Variants in EPC2 observed in about 807,000 individuals in gnomAD.
EPC2 encodes enhancer of polycomb 2.
In EPC2, 14 loss-of-function variants were observed where a neutral mutation model predicts 92.1. That is an observed-to-expected ratio of 0.15 (90% CI 0.10 to 0.24). EPC2 has a LOEUF of 0.24. Ranked by LOEUF, EPC2 falls within the 10% of genes least tolerant of loss-of-function variation. The pLI is 1.00. For synonymous variants in EPC2, 340 were observed against 334.7 expected, an observed-to-expected ratio of 1.02 and a Z score of -0.17; for missense variants, 755 against 971.5, an observed-to-expected ratio of 0.78 and a Z score of 2.96.
chr2:148,706,706 G>T (rs886622944), intron 2 of EPC2, among the ~76,000 whole-genome samples: 2 of 152,198 alleles, frequency 1.3e-5, no homozygotes, highest in Non-Finnish European at 1.5e-5. Flanking sequence ...CATTCTTAAA[G>T]AACAGAATTT....
chr2:148,785,715 T>C (rs547964510), intron 13 of EPC2, among the ~76,000 whole-genome samples: 2 of 152,360 alleles, frequency 1.3e-5, no homozygotes, highest in South Asian at 4.1e-4. Context: ...ATTTGTGTTT[T>C]CTTTAGCGTC....
chr2:148,685,265 A>G (rs1406431125), intron 1 of EPC2, among the ~76,000 whole-genome samples: 1 of 149,414 alleles, frequency 6.7e-6, no homozygotes, highest in African/African-American at 2.5e-5. Context: ...TTTTTTCTTT[A>G]TTGTTCGTAC....
chr2:148,741,903 C>G (rs1217880523), intron 2 of EPC2, among the ~76,000 whole-genome samples: 1 of 152,140 alleles, frequency 6.6e-6, no homozygotes, highest in Non-Finnish European at 1.5e-5. Flanking sequence ...AGTATTCTTT[C>G]AAAAATATCC....
At chr2:148,730,094 C>T (rs1240089300) in intron 2 of EPC2, among the ~76,000 whole-genome samples, 2 of 152,122 alleles carry the variant, frequency 1.3e-5, no homozygotes, top group Admixed American at 6.5e-5. Flanking sequence ...AACTTTTCTG[C>T]ACTTCATTTT....
intron 1 of EPC2, among the ~76,000 whole-genome samples, chr2:148,688,584 G>T (rs1681577580): frequency 6.6e-6 from 1 of 152,022 alleles, no homozygotes; most frequent in African/African-American, 2.4e-5. Context: ...TTTAAAAAAA[G>T]AATTTTGGCT....
intron 3 of EPC2, among the ~76,000 whole-genome samples, chr2:148,744,872 T>C (rs1349483393): frequency 6.6e-6 from 1 of 151,078 alleles, no homozygotes; most frequent in Non-Finnish European, 1.5e-5. Flanking sequence ...AGTTTACCCA[T>C]ACAAATTTAT....
chr2:148,645,280 C>A, intron 1 of EPC2, 110 bp downstream of exon 1: 3 of 986,008 alleles, frequency 3.0e-6, no homozygotes, highest in Non-Finnish European at 3.0e-6. Context: ...GCGCCGCTGC[C>A]GCTCTAACGC....
chr2:148,666,373 A>C (rs1008671677), intron 1 of EPC2, among the ~76,000 whole-genome samples: 1 of 152,118 alleles, frequency 6.6e-6, no homozygotes, highest in Non-Finnish European at 1.5e-5. Context: ...TGAACTCTGG[A>C]GTTCAAGTTA....
intron 5 of EPC2, 21 bp downstream of exon 5, chr2:148,761,951 A>G: frequency 6.5e-7 from 1 of 1,548,432 alleles, no homozygotes; most frequent in Non-Finnish European, 8.6e-7. Context: ...TCCTGTTACA[A>G]CAGTAAAATG....
intron 1 of EPC2, among the ~76,000 whole-genome samples, chr2:148,660,912 C>A (rs879410187): frequency 6.6e-6 from 1 of 151,456 alleles, no homozygotes; most frequent in Non-Finnish European, 1.5e-5. Context: ...CTGTTTAAAT[C>A]ATTAATTGTT....
At position 148,744,698 on chromosome 2, in the gene EPC2, C is replaced by G. The variant is rs891046366; in HGVS notation, c.459+931C>G. On this transcript the variant is annotated intron_variant, in intron 3 of 13. Coordinates refer to ENST00000258484, the MANE Select transcript of EPC2 (RefSeq NM_015630.4). ...ATTTTTCTATGTTTTCCAAATTTAT[C>G]ATGAGCTATGTGTTGATACTATAAT... is the stretch of plus-strand genomic sequence containing the variant. 2.0e-5 allele frequency among the ~76,000 whole-genome samples: 3 copies of G among 151,822 alleles called. No homozygotes were observed. The East Asian group carries it at 5.8e-4, about 29-fold the overall frequency.
intron 3 of EPC2, among the ~76,000 whole-genome samples, chr2:148,745,461 G>A (rs1049062586): frequency 2.0e-5 from 3 of 152,080 alleles, no homozygotes; most frequent in South Asian, 2.1e-4. Flanking sequence ...CTTGTTCAGC[G>A]TATTATCCAA....
At position 148,733,479 on chromosome 2, in the gene EPC2, A is replaced by ATTT. The variant is rs34219179; in HGVS notation, c.314-10109_314-10107dup. On this transcript the variant is annotated intron_variant, in intron 2 of 13. Coordinates refer to ENST00000258484, the MANE Select transcript of EPC2 (RefSeq NM_015630.4). ...CTTTCTCTTTTCTTTCTCTCTCTGG[A>ATTT]TTTTTTTTTTTTTTTTTTTTTTTTT... 1.2e-3 allele frequency among the ~76,000 whole-genome samples: 33 copies of ATTT among 26,680 alleles called. 10 individuals are homozygous for ATTT. Among genetic ancestry groups the ATTT allele is most frequent in the African/African-American group, 3.0e-3 (23 of 7,708 alleles). The allele number at this position is 26,680 out of a possible 152,430, so 17.5% of individuals were successfully genotyped here.
At chr2:148,694,763 C>T (rs1681711121) in intron 2 of EPC2, among the ~76,000 whole-genome samples, 1 of 152,072 alleles carries the variant, frequency 6.6e-6, no homozygotes, top group African/African-American at 2.4e-5. Context: ...TAACATTCTC[C>T]TCCCCCCGCC....
intron 2 of EPC2, among the ~76,000 whole-genome samples, chr2:148,739,830 CTTCTTTTTTTTTTTTT>C (rs1300629883): frequency 1.0e-5 from 1 of 96,722 alleles, no homozygotes; most frequent in Non-Finnish European, 1.9e-5. Flanking sequence ...TTTTCTTCTT[CTTCTTTTTTTTTTTTT>C]TTTTTTTTTT....
At chr2:148,656,027 G>A (rs867892628) in intron 1 of EPC2, among the ~76,000 whole-genome samples, 1 of 122,436 alleles carries the variant, frequency 8.2e-6, no homozygotes, top group Non-Finnish European at 1.8e-5. Context: ...GTGTGTGTGG[G>A]GGGGGGGGGG....
intron 2 of EPC2, among the ~76,000 whole-genome samples, chr2:148,720,576 C>A (rs2105390453): frequency 6.6e-6 from 1 of 152,338 alleles, no homozygotes; most frequent in South Asian, 2.1e-4. Flanking sequence ...AGCAGCTGCT[C>A]TGCTGAGACT....
At chr2:148,664,018 G>T (rs1471426670) in intron 1 of EPC2, among the ~76,000 whole-genome samples, 1 of 151,926 alleles carries the variant, frequency 6.6e-6, no homozygotes, top group Non-Finnish European at 1.5e-5. Context: ...TGGTTACTTG[G>T]AACTAAGAAA....
rs149886613 is a variant in EPC2, at chr2:148,781,098, G to A, written c.1721-546G>A. On this transcript the variant is annotated intron_variant, in intron 10 of 13. Coordinates refer to ENST00000258484, the MANE Select transcript of EPC2 (RefSeq NM_015630.4). ...TTTTATAGATGGATTTACTTTAGGC[G>A]TTGAATCTATTGGCTTAAACTATGG... Among the ~76,000 whole-genome samples the A allele has an allele frequency of 1.0e-3, 156 of 152,238 alleles. 2 individuals carry two copies. Among genetic ancestry groups the A allele is most frequent in the African/African-American group, 1.5e-3 (62 of 41,544 alleles).
Sources: gnomAD v4.1 joint callset for allele counts (sites outside exome capture counted in the v4.1 genomes callset) on GRCh38, gnomAD v4.1.1 for gene constraint, MANE v1.5 for transcripts, NCBI Gene and HGNC (gene_info 2026-07-23, HGNC 2026-07-21) for gene names.